The following ALDH1A1 variants were observed in gnomAD, a reference collection of about 807,000 sequenced individuals.
ALDH1A1 encodes aldehyde dehydrogenase 1A1.
A neutral mutation model predicts 62.1 loss-of-function variants in ALDH1A1; 19 were observed. The observed-to-expected ratio is 0.31, with a 90% CI of 0.21 to 0.45. ALDH1A1 has a LOEUF of 0.45. ALDH1A1 is among the 20% of genes least tolerant of loss of function. ALDH1A1 has a pLI of 1.00. For synonymous variants in ALDH1A1, 231 were observed against 215.9 expected, an observed-to-expected ratio of 1.07 and a Z score of -0.61; for missense variants, 521 against 607.1, an observed-to-expected ratio of 0.86 and a Z score of 1.49.
chr9:72,923,774 G>T, intron 7 of ALDH1A1: 1 of 270,516 alleles, frequency 3.7e-6, no homozygotes, highest in Non-Finnish European at 6.9e-6. Context: ...CATATTTCTC[G>T]TCAGAGAAAG....
intron 2 of ALDH1A1, among the ~76,000 whole-genome samples, chr9:72,935,900 C>T (rs1180647083): frequency 2.0e-5 from 3 of 152,036 alleles, no homozygotes; most frequent in South Asian, 2.1e-4. Flanking sequence ...TAAGCAATGT[C>T]GGAGTTTACT....
intron 1 of ALDH1A1, among the ~76,000 whole-genome samples, chr9:72,942,541 A>G (rs1224404945): frequency 6.6e-6 from 1 of 152,160 alleles, no homozygotes; most frequent in African/African-American, 2.4e-5. Context: ...CCTTGTCATC[A>G]TAATCTTCCT....
intron 3 of ALDH1A1, among the ~76,000 whole-genome samples, chr9:72,929,945 A>G (rs1330471549): frequency 6.6e-6 from 1 of 152,176 alleles, no homozygotes; most frequent in African/African-American, 2.4e-5. Context: ...CTATAGTTTT[A>G]TTGCACATAG....
rs1293671897 is a variant in ALDH1A1, at chr9:72,908,453, A to AG, written c.1358+1148_1358+1149insC. Among the ~76,000 whole-genome samples the AG allele has an allele frequency of 3.0e-4, 39 of 129,626 alleles. 3 individuals carry two copies. The highest frequency in any genetic ancestry group is 8.6e-4 in the East Asian group (4 of 4,630). The allele number at this position is 129,626 out of a possible 152,430, so 85.0% of individuals were successfully genotyped here. A position where few individuals can be genotyped will look rare whatever the true frequency, so the allele number is the denominator to read the frequency against. The stretch of plus-strand genomic sequence containing the variant: ...CCAGCTCAAAAAAAAAAAAAAAAAA[A>AG]AAAAAAAGAAGAAAGAAAAGAAAAG... On this transcript the variant is annotated intron_variant, in intron 11 of 12. Coordinates refer to ENST00000297785, the MANE Select transcript of ALDH1A1 (RefSeq NM_000689.5).
chr9:72,920,184 C>A (rs1261749355), intron 7 of ALDH1A1, among the ~76,000 whole-genome samples: 2 of 152,122 alleles, frequency 1.3e-5, no homozygotes, highest in African/African-American at 4.8e-5. Flanking sequence ...GGTTACTGAA[C>A]TAACTGCTAC....
At chr9:72,901,525 A>G (rs941967045) in intron 12 of ALDH1A1, among the ~76,000 whole-genome samples, 13 of 152,080 alleles carry the variant, frequency 8.5e-5, no homozygotes, top group African/African-American at 3.1e-4. Context: ...CTGTCAGTTG[A>G]TTTCTCACAT....
intron 7 of ALDH1A1, among the ~76,000 whole-genome samples, chr9:72,920,816 A>G (rs112199540): frequency 3.3e-5 from 5 of 152,382 alleles, no homozygotes; most frequent in African/African-American, 1.2e-4. Context: ...TGAAGAAAAG[A>G]TAAGAACTAT....
Position 72,912,793 on chromosome 9 carries a change from G to T in ALDH1A1, c.1036-671C>A, listed in dbSNP as rs187636093. On this transcript the variant is annotated intron_variant, in intron 9 of 12. Transcript: ENST00000297785. ...ATCTAACTATGTGCCAAGTATTACA[G>T]AACTTAAATCGTCTTTATTTAAACA... is the stretch of plus-strand genomic sequence containing the variant. Among the ~76,000 whole-genome samples, 8 of 152,296 alleles carry T rather than the reference G, an allele frequency of 5.3e-5. No individual in the cohort carries two copies. The East Asian group carries it at 1.5e-3, about 29-fold the overall frequency.
intron 2 of ALDH1A1, 107 bp from the exon 3 acceptor site, chr9:72,931,126 G>T: frequency 2.4e-6 from 3 of 1,237,076 alleles, no homozygotes; most frequent in African/African-American, 1.5e-5. Context: ...AGCAGGCACT[G>T]TGTCTCCATT....
intron 9 of ALDH1A1, among the ~76,000 whole-genome samples, chr9:72,914,044 A>T (rs1830026879): frequency 6.6e-6 from 1 of 152,210 alleles, no homozygotes; most frequent in South Asian, 2.1e-4. Flanking sequence ...GCTAGGATGT[A>T]GCTGGGGCTC....
intron 2 of ALDH1A1, among the ~76,000 whole-genome samples, chr9:72,931,285 A>G (rs1036515167): frequency 6.6e-6 from 1 of 152,214 alleles, no homozygotes; most frequent in African/African-American, 2.4e-5. Flanking sequence ...AGTTGCTATC[A>G]TCTGAGTGCT....
intron 11 of ALDH1A1, among the ~76,000 whole-genome samples, chr9:72,907,689 T>C (rs931354903): frequency 3.9e-5 from 6 of 152,202 alleles, no homozygotes; most frequent in African/African-American, 1.4e-4. Context: ...CGTTTCCTCA[T>C]GTGTAAAGTG....
At chr9:72,918,613 C>CTTTTTTTTTTT (rs3079046) in intron 8 of ALDH1A1, 107 bp downstream of exon 8, 4 of 279,438 alleles carry the variant, frequency 1.4e-5, no homozygotes, top group African/African-American at 7.6e-5. Context: ...GAAGCAAATG[C>CTTTTTTTTTTT]TTTTTTTTTT....
At chr9:72,937,596 A>C (rs532192264) in intron 2 of ALDH1A1, among the ~76,000 whole-genome samples, 9 of 152,328 alleles carry the variant, frequency 5.9e-5, no homozygotes, top group African/African-American at 1.7e-4. Context: ...CGCTCTTACT[A>C]TAGATGGTGA....
chr9:72,917,678 A>C (rs1461121473), intron 8 of ALDH1A1, among the ~76,000 whole-genome samples: 1 of 152,092 alleles, frequency 6.6e-6, no homozygotes, highest in Non-Finnish European at 1.5e-5. Flanking sequence ...AAATCTATCT[A>C]AAGTATACCG....
At chr9:72,952,071 G>T (rs926798674) in intron 1 of ALDH1A1, among the ~76,000 whole-genome samples, 1 of 151,892 alleles carries the variant, frequency 6.6e-6, no homozygotes, top group African/African-American at 2.4e-5. Context: ...CAGCAAAATG[G>T]CTCTCTCTTG....
At chr9:72,909,552 T>A in intron 11 of ALDH1A1, 50 bp downstream of exon 11, 1 of 1,500,608 alleles carries the variant, frequency 6.7e-7, no homozygotes, top group Non-Finnish European at 9.0e-7. Context: ...GGTAGTAATC[T>A]GTTAATGTGG....
intron 2 of ALDH1A1, among the ~76,000 whole-genome samples, chr9:72,938,802 G>A (rs1014528474): frequency 6.0e-5 from 9 of 151,028 alleles, no homozygotes; most frequent in Admixed American, 1.3e-4. Context: ...GAGTGCAATG[G>A]CACTATCTTG....
At chr9:72,935,876 T>G (rs1830340997) in intron 2 of ALDH1A1, among the ~76,000 whole-genome samples, 1 of 152,212 alleles carries the variant, frequency 6.6e-6, no homozygotes, top group South Asian at 2.1e-4. Context: ...ATTTACTAGA[T>G]TTGTACCTTT....
Sources: gnomAD v4.1 joint callset for allele counts (sites outside exome capture counted in the v4.1 genomes callset) on GRCh38, gnomAD v4.1.1 for gene constraint, MANE v1.5 for transcripts, NCBI Gene and HGNC (gene_info 2026-07-23, HGNC 2026-07-21) for gene names.